The following MAMDC2 variants were observed in gnomAD, a reference collection of about 807,000 sequenced individuals.
MAMDC2 encodes the protein MAM domain-containing protein 2.
MAMDC2 carries 57 observed loss-of-function variants against 89.8 expected under a neutral mutation model. The ratio of observed to expected loss-of-function variants is 0.63; its 90% confidence interval spans 0.51 to 0.79. The LOEUF (loss-of-function observed/expected upper bound fraction) is 0.79. Ranked by LOEUF, MAMDC2 falls within the 30% of genes least tolerant of loss-of-function variation. The pLI is 0.00. For missense variants in MAMDC2, 800 were observed against 820.6 expected (o/e 0.97, Z 0.31); for synonymous variants, 313 against 293.4 (o/e 1.07, Z -0.68).
At chr9:70,086,870 AC>A (rs1827780921) in intron 2 of MAMDC2, 1 of 152,096 alleles carries the variant, frequency 6.6e-6, no homozygotes, top group Admixed American at 6.6e-5. Context: ...TTCTAACAAA[AC>A]CTTACAAGAA....
At chr9:70,212,393 G>A (rs1587576613) in intron 11 of MAMDC2, among the ~76,000 whole-genome samples, 1 of 152,364 alleles carries the variant, frequency 6.6e-6, no homozygotes, top group East Asian at 1.9e-4. Context: ...TGTTAGCAGT[G>A]AGCGAGGCTC....
rs560451053 is a variant in MAMDC2, at chr9:70,052,997, T to C, written c.148+8300T>C. Among the ~76,000 whole-genome samples, 46 of 152,286 alleles carry C rather than the reference T, an allele frequency of 3.0e-4. 1 individual carries two copies. The highest frequency in any genetic ancestry group is 1.1e-3 in the African/African-American group (46 of 41,570). On this transcript the variant is annotated intron_variant, in intron 2 of 13. Transcript: ENST00000377182. ...ATCACAAACAACCACAATGCAACCT[T>C]GAGAGTGGCACTGCTGGGGCTGGAA...
chr9:70,211,027 G>A (rs1179441588), intron 11 of MAMDC2, among the ~76,000 whole-genome samples: 2 of 152,162 alleles, frequency 1.3e-5, no homozygotes, highest in Non-Finnish European at 2.9e-5. Context: ...TTCCCTTTAT[G>A]GGTAACCTGA....
rs572983114 is a variant in MAMDC2, at chr9:70,043,941, G to T, written c.-257G>T. 14 of 584,566 alleles carry T rather than the reference G, an allele frequency of 2.4e-5. No individual in the cohort carries two copies. In the East Asian group the frequency reaches 4.0e-4, roughly 17 times the overall value. 36.2% of individuals were successfully genotyped at this position (584,566 alleles called of 1,614,324 possible). A position where few individuals can be genotyped will look rare whatever the true frequency, so the allele number is the denominator to read the frequency against. ...CCCATCGTCGCCCAGGACCAGCTGG[G>T]CCGCGGTCTGACCTGAGGCTGCTGC... On this transcript the variant is annotated 5_prime_UTR_variant, in exon 1 of 14. Transcript: ENST00000377182.
In MAMDC2 at chr9:70,140,285, T is replaced by C. The variant is rs778456323; in HGVS notation, c.1135T>C (p.Leu379=). The C allele has an allele frequency of 3.9e-5, 63 of 1,596,628 alleles. No homozygotes were observed. The highest frequency in any genetic ancestry group is 1.2e-4 in the Admixed American group (7 of 56,330). Residue 379 remains leucine, a synonymous_variant, in exon 8 of 14, where the codon TTA becomes CTA. Transcript: ENST00000377182. ...MYRAGDHTTG[L]GYYLLANTKF... ...TCGGGCTGGAGACCACACTACAGGCTTAGGTAAATCAGAGATCTGTCTATG... is the reference window on the plus strand; with the variant it reads ...TCGGGCTGGAGACCACACTACAGGCCTAGGTAAATCAGAGATCTGTCTATG...
chr9:70,062,350 G>A (rs1247245393), intron 2 of MAMDC2, among the ~76,000 whole-genome samples: 1 of 151,946 alleles, frequency 6.6e-6, no homozygotes, highest in African/African-American at 2.4e-5. Context: ...TAGGAGCTCA[G>A]TAAATATTTT....
At chr9:70,208,097 A>G (rs2033268494) in intron 11 of MAMDC2, among the ~76,000 whole-genome samples, 2 of 152,068 alleles carry the variant, frequency 1.3e-5, no homozygotes, top group South Asian at 4.1e-4. Flanking sequence ...TTGGCTTAGG[A>G]TTGCGTTGGC....
chr9:70,148,862 T>C (rs2031489809), intron 9 of MAMDC2, among the ~76,000 whole-genome samples: 2 of 149,368 alleles, frequency 1.3e-5, no homozygotes, highest in African/African-American at 5.0e-5. Context: ...ACCCCGTGTC[T>C]ACTAAAAATA....
Position 70,058,217 on chromosome 9 carries a change from T to A in MAMDC2, c.148+13520T>A, listed in dbSNP as rs138305376. ...GCATCATCTTATTTAATTCTTATAA[T>A]CCCCCTATGAAGAAAATGTTCTTTA... On this transcript the variant is annotated intron_variant, in intron 2 of 13. Coordinates refer to ENST00000377182, the MANE Select transcript of MAMDC2 (RefSeq NM_153267.5). Among the ~76,000 whole-genome samples, 9 of 152,290 alleles carry A rather than the reference T, an allele frequency of 5.9e-5. No homozygotes were observed. The East Asian group carries it at 1.7e-3, about 29-fold the overall frequency.
intron 2 of MAMDC2, among the ~76,000 whole-genome samples, chr9:70,069,445 T>G (rs867572659): frequency 2.6e-5 from 4 of 152,220 alleles, no homozygotes; most frequent in African/African-American, 7.2e-5. Flanking sequence ...GCCTCAAAGT[T>G]TTTGTGTATC....
At chr9:70,108,506 T>TATA (rs769835183) in intron 3 of MAMDC2, 24 bp downstream of exon 3, 1 of 1,549,142 alleles carries the variant, frequency 6.5e-7, no homozygotes, top group Non-Finnish European at 8.7e-7. Flanking sequence ...AGGAGAAAGA[T>TATA]ATAAGGCCTA....
chr9:70,051,658 G>C (rs17087686), intron 2 of MAMDC2, among the ~76,000 whole-genome samples: 10,259 of 152,098 alleles, frequency 0.067, 518 homozygotes, highest in East Asian at 0.21. Context: ...AGAGGTGATG[G>C]GTATCCCAAT....
At chr9:70,065,575 C>T (rs944470075) in intron 2 of MAMDC2, among the ~76,000 whole-genome samples, 8 of 90,990 alleles carry the variant, frequency 8.8e-5, no homozygotes, top group African/African-American at 2.5e-4. Flanking sequence ...CAAAACCCCA[C>T]GTCCTTTTTT....
intron 10 of MAMDC2, 51 bp from the exon 11 acceptor site, chr9:70,170,428 A>C: frequency 6.5e-7 from 1 of 1,546,642 alleles, no homozygotes; most frequent in East Asian, 2.3e-5. Context: ...CTAGCAACAC[A>C]GAGTCATTGA....
At chr9:70,073,897 A>T (rs1827467597) in intron 2 of MAMDC2, among the ~76,000 whole-genome samples, 1 of 152,210 alleles carries the variant, frequency 6.6e-6, no homozygotes, top group African/African-American at 2.4e-5. Flanking sequence ...AAACAGCCAA[A>T]GAGAACTCTG....
At chr9:70,046,779 T>C (rs1826763571) in intron 2 of MAMDC2, among the ~76,000 whole-genome samples, 1 of 152,378 alleles carries the variant, frequency 6.6e-6, no homozygotes, top group East Asian at 1.9e-4. Flanking sequence ...GGCTCAGGAC[T>C]GGGACTACTG....
At chr9:70,044,380 C>A in intron 1 of MAMDC2, 149 bp downstream of exon 1, 1 of 917,204 alleles carries the variant, frequency 1.1e-6, no homozygotes, top group Non-Finnish European at 1.5e-6. Flanking sequence ...CTCCCCTGGC[C>A]AAGCCTGGGG....
At chr9:70,206,939 T>A (rs1229736013) in intron 11 of MAMDC2, among the ~76,000 whole-genome samples, 1 of 152,112 alleles carries the variant, frequency 6.6e-6, no homozygotes, top group Non-Finnish European at 1.5e-5. Flanking sequence ...TTCATCCATG[T>A]CCCTACAAAG....
intron 11 of MAMDC2, among the ~76,000 whole-genome samples, chr9:70,216,051 C>T (rs879926650): frequency 1.3e-5 from 2 of 152,188 alleles, no homozygotes; most frequent in Non-Finnish European, 2.9e-5. Flanking sequence ...ATTGATTAAA[C>T]TTCAAACTAT....
Sources: gnomAD v4.1 joint callset for allele counts (sites outside exome capture counted in the v4.1 genomes callset) on GRCh38, gnomAD v4.1.1 for gene constraint, MANE v1.5 for transcripts, NCBI Gene and HGNC (gene_info 2026-07-23, HGNC 2026-07-21) for gene names.